Variants in ZDHHC11B observed in about 807,000 individuals in gnomAD.
ZDHHC11B encodes the protein zDHHC palmitoyltransferase 11B (putative).
In ZDHHC11B, 17 loss-of-function variants were observed where a neutral mutation model predicts 42.3. The ratio of observed to expected loss-of-function variants is 0.40; its 90% CI spans 0.27 to 0.60. ZDHHC11B has a LOEUF of 0.60. Among genes scored for constraint, ZDHHC11B ranks in the 20% least tolerant of loss-of-function variants. The pLI, the probability that ZDHHC11B is intolerant of heterozygous loss-of-function variation, is 0.41. For missense variants in ZDHHC11B, 262 were observed against 463.2 expected (o/e 0.57, Z 3.99); for synonymous variants, 123 against 193.5 (o/e 0.64, Z 3.02).
intron 4 of ZDHHC11B, among the ~76,000 whole-genome samples, chr5:759,399 G>A (rs1304310110): frequency 6.6e-6 from 1 of 151,950 alleles, no homozygotes; most frequent in African/African-American, 2.4e-5. Flanking sequence ...AATCCCTGCG[G>A]GGTTCAAAGC....
In ZDHHC11B at chr5:773,267, C is replaced by T. The variant is rs1387563471; in HGVS notation, c.-229-4337G>A. ...CCTTGGATGGGCAGAGGCCAGGTGT[C>T]CTCCACTTTCCCAGTTTCTGGGTGC... is the stretch of plus-strand genomic sequence containing the variant. On this transcript the variant is annotated intron_variant, in intron 1 of 13. Coordinates refer to ENST00000508859, the MANE Select transcript of ZDHHC11B (RefSeq NM_001351303.2). Among the ~76,000 whole-genome samples the T allele has an allele frequency of 2.0e-5, 3 of 151,920 alleles. 1 individual carries two copies. Among genetic ancestry groups the T allele is most frequent in the Non-Finnish European group, 4.4e-5 (3 of 67,950 alleles).
intron 4 of ZDHHC11B, among the ~76,000 whole-genome samples, chr5:763,434 A>G (rs1172843087): frequency 4.0e-5 from 6 of 151,690 alleles, no homozygotes; most frequent in African/African-American, 1.5e-4. Flanking sequence ...AAACAAGAAA[A>G]CAGAGAAACA....
At chr5:777,932 C>A (rs1254410914) in intron 1 of ZDHHC11B, among the ~76,000 whole-genome samples, 2 of 151,784 alleles carry the variant, frequency 1.3e-5, no homozygotes, top group Non-Finnish European at 2.9e-5. Context: ...GGCGTGGCCT[C>A]GGCATGGCGG....
intron 1 of ZDHHC11B, among the ~76,000 whole-genome samples, chr5:773,996 G>GCAGA (rs1736262447): frequency 2.0e-5 from 3 of 151,920 alleles, no homozygotes; most frequent in Admixed American, 2.0e-4. Context: ...GCAGGCAAAG[G>GCAGA]CAGACCCCAG....
chr5:762,811 A>AT (rs1169182435), intron 4 of ZDHHC11B, among the ~76,000 whole-genome samples: 3 of 115,376 alleles, frequency 2.6e-5, no homozygotes, highest in African/African-American at 9.8e-5. Context: ...ATAAAAGCAG[A>AT]ATTTTTTTTT....
chr5:748,464 G>C lies in ZDHHC11B; in HGVS notation c.724C>G (p.Leu242Val). 1 of 1,363,090 alleles carries C rather than the reference G, an allele frequency of 7.3e-7. No homozygotes were observed. The highest frequency in any genetic ancestry group is 9.8e-7 in the Non-Finnish European group (1 of 1,024,162). 84.4% of individuals were successfully genotyped at this position (1,363,090 alleles called of 1,614,324 possible). A position where few individuals can be genotyped will look rare whatever the true frequency, so the allele number is the denominator to read the frequency against. The change falls in exon 8 of 14, where the codon CTG becomes GTG. Residue 242 changes from leucine (L) to valine (V), a missense_variant. This residue lies in a region of ZDHHC11B where 57 missense variants were observed against 103.3 expected (regional missense o/e 0.55). Transcript: ENST00000508859. ...IVVIIRMLVL[L>V]LDLLGLVQLG... is the part of the protein sequence containing the mutation. ...TGCACCAAGCCAAGAAGGTCCAGCA[G>C]GAGCACGAGCATCCTGATGATCACG...
rs201010711 is a variant in ZDHHC11B, at chr5:726,550, T to C, written c.1058+3884A>G. On this transcript the variant is annotated intron_variant, in intron 12 of 13. Coordinates refer to ENST00000508859, the MANE Select transcript of ZDHHC11B (RefSeq NM_001351303.2). ...AGGCTTCCAACAAAGAGGAATATGA[T>C]TTAAAGATGGAGTGGTTTATGCCCA... Among the ~76,000 whole-genome samples the C allele has an allele frequency of 3.9e-5, 5 of 129,004 alleles. 2 individuals are homozygous for C. In the East Asian group the frequency reaches 1.2e-3, roughly 31 times the overall value. The allele number at this position is 129,004 out of a possible 152,430, so 84.6% of individuals were successfully genotyped here.
chr5:746,364 T>C lies in ZDHHC11B; in HGVS notation c.785-1066A>G, dbSNP rs574054610. On this transcript the variant is annotated intron_variant, in intron 8 of 13. Coordinates refer to ENST00000508859, the MANE Select transcript of ZDHHC11B (RefSeq NM_001351303.2). ...CCACAGCCCCTCCAGTCCTGTGAGG[T>C]AGAGAAGAAGCTCCTGGACATCCCG... 1.5e-4 allele frequency among the ~76,000 whole-genome samples: 22 copies of C among 146,372 alleles called. 1 individual carries two copies. The highest frequency in any genetic ancestry group is 3.2e-4 in the Non-Finnish European group (21 of 66,386).
At chr5:783,971 C>A (rs1431889180) in intron 1 of ZDHHC11B, among the ~76,000 whole-genome samples, 5 of 150,924 alleles carry the variant, frequency 3.3e-5, no homozygotes, top group African/African-American at 9.7e-5. Context: ...GTAACCGAAA[C>A]CGCAGAATAA....
chr5:766,588 C>T, intron 4 of ZDHHC11B, 110 bp downstream of exon 4: 2 of 1,204,300 alleles, frequency 1.7e-6, no homozygotes, highest in Non-Finnish European at 2.4e-6. Context: ...TGGCCCAGGA[C>T]AGGTGACTGG....
intron 12 of ZDHHC11B, among the ~76,000 whole-genome samples, chr5:717,629 G>T (rs1162934134): frequency 3.3e-5 from 5 of 151,804 alleles, no homozygotes; most frequent in South Asian, 2.1e-4. Context: ...GATATAAACG[G>T]ATCCATAAAT....
At chr5:742,546 G>A (rs1579307266) in intron 9 of ZDHHC11B, among the ~76,000 whole-genome samples, 1 of 144,962 alleles carries the variant, frequency 6.9e-6, no homozygotes, top group African/African-American at 2.5e-5. Context: ...GTATGTCGGC[G>A]CCATTTTCCC....
chr5:751,736 A>G (rs2018693), intron 6 of ZDHHC11B, among the ~76,000 whole-genome samples: 21,986 of 121,920 alleles, frequency 0.18, 2,763 homozygotes, highest in East Asian at 0.36. Flanking sequence ...TCTCTGTGCC[A>G]TCCTGTGACG....
At chr5:750,427 C>A (rs1579342687) in intron 7 of ZDHHC11B, among the ~76,000 whole-genome samples, 1 of 142,844 alleles carries the variant, frequency 7.0e-6, no homozygotes, top group East Asian at 2.3e-4. Flanking sequence ...CCTCACGAGG[C>A]CCCCTCCCCT....
chr5:720,209 C>T (rs1344306191), intron 12 of ZDHHC11B, among the ~76,000 whole-genome samples: 22 of 151,812 alleles, frequency 1.4e-4, no homozygotes, highest in African/African-American at 4.4e-4. Flanking sequence ...AAAAGATCTA[C>T]GCTAAGACAC....
At chr5:732,603 T>G in intron 11 of ZDHHC11B, 1 of 447,524 alleles carries the variant, frequency 2.2e-6, no homozygotes. Context: ...GGTGATCCAT[T>G]TTCATTTCCA....
chr5:730,599 A>G (rs1283668175), intron 11 of ZDHHC11B, 131 bp from the exon 12 acceptor site: 4 of 1,009,870 alleles, frequency 4.0e-6, no homozygotes, highest in Admixed American at 7.6e-5. Flanking sequence ...TGCCTGGATC[A>G]TGGAATAGGA....
intron 13 of ZDHHC11B, among the ~76,000 whole-genome samples, chr5:715,201 C>G (rs1441890485): frequency 2.0e-5 from 3 of 150,842 alleles, no homozygotes; most frequent in African/African-American, 7.4e-5. Context: ...CTGTTAGTCA[C>G]TGTTGCTCAC....
intron 4 of ZDHHC11B, among the ~76,000 whole-genome samples, chr5:765,319 A>C (rs1735121059): frequency 6.6e-6 from 1 of 151,574 alleles, no homozygotes; most frequent in Admixed American, 6.6e-5. Context: ...GGACTTGGAG[A>C]ATCTTTATGT....
Sources: gnomAD v4.1 joint callset for allele counts (sites outside exome capture counted in the v4.1 genomes callset) on GRCh38, gnomAD v4.1.1 for gene constraint, gnomAD v4.1.1 regional missense constraint, MANE v1.5 for transcripts, NCBI Gene and HGNC (gene_info 2026-07-23, HGNC 2026-07-21) for gene names.